The following TRAPPC3L variants were observed in gnomAD, a reference collection of about 807,000 sequenced individuals.
The protein encoded by TRAPPC3L is trafficking protein particle complex subunit 3L.
TRAPPC3L carries 23 observed loss-of-function variants against 23.7 expected under a neutral mutation model. The observed-to-expected ratio is 0.97, with a 90% CI of 0.70 to 1.37. The LOEUF (loss-of-function observed/expected upper bound fraction) is 1.37. TRAPPC3L is among the 40% of genes most tolerant of loss of function. TRAPPC3L has a pLI of 0.00. For synonymous variants in TRAPPC3L, 81 were observed against 77.9 expected (o/e 1.04, Z -0.21); for missense variants, 212 against 216.8 (o/e 0.98, Z 0.14).
At chr6:116,516,005 T>C in intron 3 of TRAPPC3L, 1 of 1,568,266 alleles carries the variant, frequency 6.4e-7, no homozygotes, top group Non-Finnish European at 8.7e-7. Flanking sequence ...CCACCATCAA[T>C]GACTCATGGT....
At chr6:116,543,710 T>A in intron 1 of TRAPPC3L, 1 of 988,966 alleles carries the variant, frequency 1.0e-6, no homozygotes, top group Non-Finnish European at 1.5e-6. Flanking sequence ...TTAAAAATAC[T>A]AATTTCTAAC....
intron 3 of TRAPPC3L, among the ~76,000 whole-genome samples, chr6:116,512,536 CCTAACA>C (rs1427768323): frequency 6.6e-6 from 1 of 152,112 alleles, no homozygotes; most frequent in African/African-American, 2.4e-5. Context: ...ATAAATAATG[CCTAACA>C]CTAAATCATA....
chr6:116,513,986 C>T (rs541649419), intron 3 of TRAPPC3L, among the ~76,000 whole-genome samples: 44 of 152,046 alleles, frequency 2.9e-4, no homozygotes, highest in Non-Finnish European at 4.3e-4. Flanking sequence ...GGAGAGTTGT[C>T]GGAAGATTTA....
intron 3 of TRAPPC3L, among the ~76,000 whole-genome samples, chr6:116,502,566 A>G (rs576855606): frequency 6.6e-6 from 1 of 152,322 alleles, no homozygotes; most frequent in East Asian, 1.9e-4. Context: ...CCCAAGACAC[A>G]TAATTGTCAG....
At position 116,545,621 on chromosome 6, in the gene TRAPPC3L, C is replaced by T. The variant is rs1013420888; in HGVS notation, c.-107G>A. ...TGTTTTGTTTTTGTAAGCTCTTCCT[C>T]GCTTTGAGACAGGAGTGCTGCTTCT... On this transcript the variant is annotated 5_prime_UTR_variant, in exon 1 of 5. Transcript: ENST00000368602. 1.4e-5 allele frequency: 14 copies of T among 989,250 alleles called. No homozygotes were observed. Among genetic ancestry groups the T allele is most frequent in the South Asian group, 6.9e-5 (4 of 57,990 alleles). The allele number at this position is 989,250 out of a possible 1,614,324, so 61.3% of individuals were successfully genotyped here.
intron 3 of TRAPPC3L, chr6:116,524,800 T>C (rs1772415385): frequency 6.6e-6 from 1 of 152,202 alleles, no homozygotes; most frequent in African/African-American, 2.4e-5. Context: ...TTATTTTCCT[T>C]TCTGTGCTAT....
At chr6:116,522,287 T>C (rs1235560543) in intron 3 of TRAPPC3L, 1 of 152,224 alleles carries the variant, frequency 6.6e-6, no homozygotes, top group Non-Finnish European at 1.5e-5. Context: ...CCTTGCCATG[T>C]CCTATCCAAC....
chr6:116,543,755 A>G lies in TRAPPC3L; in HGVS notation c.43-355T>C, dbSNP rs573709628. ...TGTTTTTCTAAAATATATGCCATCC[A>G]TGTTTTCAGTTGGAAGCAAGAATTG... On this transcript the variant is annotated intron_variant, in intron 1 of 4. Transcript: ENST00000368602. 8.0e-6 allele frequency: 11 copies of G among 1,366,772 alleles called. No individual in the cohort carries two copies. In the African/African-American group the frequency reaches 1.2e-4, roughly 14 times the overall value. 84.7% of individuals were successfully genotyped at this position (1,366,772 alleles called of 1,614,324 possible).
At chr6:116,516,099 T>C (rs906511452) in intron 3 of TRAPPC3L, 1 of 1,395,112 alleles carries the variant, frequency 7.2e-7, no homozygotes, top group African/African-American at 1.4e-5. Context: ...ATTTGGAGTA[T>C]GTTTACAAGA....
At chr6:116,541,961 C>T (rs1387270806) in intron 2 of TRAPPC3L, among the ~76,000 whole-genome samples, 1 of 152,128 alleles carries the variant, frequency 6.6e-6, no homozygotes, top group Non-Finnish European at 1.5e-5. Context: ...CTTTCTGCAG[C>T]TTCTCAAAAA....
intron 3 of TRAPPC3L, 104 bp from the exon 4 acceptor site, chr6:116,500,770 C>T: frequency 1.0e-6 from 1 of 966,656 alleles, no homozygotes; most frequent in South Asian, 1.5e-5. Context: ...AATGGTTAAG[C>T]ACATGGAGTC....
At position 116,495,833 on chromosome 6, in the gene TRAPPC3L, T is replaced by A. The variant is rs946533341; in HGVS notation, c.*1121A>T. 3.3e-5 allele frequency: 5 copies of A among 150,042 alleles called. No homozygotes were observed. Among genetic ancestry groups the A allele is most frequent in the Non-Finnish European group, 5.9e-5 (4 of 67,730 alleles). The allele number at this position is 150,042 out of a possible 1,614,324, so 9.3% of individuals were successfully genotyped here. A position where few individuals can be genotyped will look rare whatever the true frequency, so the allele number is the denominator to read the frequency against. ...TGTGTATGTCTTCTTTTGAGAAATG[T>A]CTATTCAGATCTTTTGCCCATCTTT... is the stretch of plus-strand genomic sequence containing the variant. On this transcript the variant is annotated 3_prime_UTR_variant, in exon 5 of 5. Transcript: ENST00000368602.
Position 116,516,169 on chromosome 6 carries a change from T to C in TRAPPC3L, c.241-15503A>G, listed in dbSNP as rs1772221160. On this transcript the variant is annotated intron_variant, in intron 3 of 4. Transcript: ENST00000368602. ...AGTGGAACATCAGGATGTGCTCAAA[T>C]TGATGCTGAGGGGTGACAAAGGTGC... 3 of 759,304 alleles carry C rather than the reference T, an allele frequency of 4.0e-6. No individual in the cohort carries two copies. The Admixed American group carries it at 1.1e-4, about 27-fold the overall frequency. The allele number at this position is 759,304 out of a possible 1,614,324, so 47.0% of individuals were successfully genotyped here.
intron 3 of TRAPPC3L, among the ~76,000 whole-genome samples, chr6:116,536,463 C>T (rs1196868703): frequency 1.3e-5 from 2 of 152,178 alleles, no homozygotes; most frequent in Admixed American, 1.3e-4. Context: ...TTACACAGTC[C>T]TTCTCTCGCA....
intron 3 of TRAPPC3L, chr6:116,511,702 T>A: frequency 6.2e-7 from 1 of 1,613,158 alleles, no homozygotes; most frequent in Non-Finnish European, 8.5e-7. Context: ...CCAACATGGA[T>A]GCTTTTCAGG....
chr6:116,501,471 C>G (rs1771914515), intron 3 of TRAPPC3L, among the ~76,000 whole-genome samples: 1 of 152,230 alleles, frequency 6.6e-6, no homozygotes, highest in South Asian at 2.1e-4. Context: ...AAAACTTCTG[C>G]ACACTTAAAC....
chr6:116,502,292 T>G (rs962320152), intron 3 of TRAPPC3L, among the ~76,000 whole-genome samples: 1 of 152,024 alleles, frequency 6.6e-6, no homozygotes, highest in Non-Finnish European at 1.5e-5. Flanking sequence ...AAGATCAAAT[T>G]GATGAAATAA....
At chr6:116,527,848 A>G (rs1202541800) in intron 3 of TRAPPC3L, among the ~76,000 whole-genome samples, 2 of 152,246 alleles carry the variant, frequency 1.3e-5, no homozygotes, top group Non-Finnish European at 2.9e-5. Flanking sequence ...TAATGCATGC[A>G]GGGCTTAAAA....
At chr6:116,508,035 G>C (rs1772036688) in intron 3 of TRAPPC3L, among the ~76,000 whole-genome samples, 1 of 152,092 alleles carries the variant, frequency 6.6e-6, no homozygotes, top group South Asian at 2.1e-4. Context: ...ATGAAATTTT[G>C]TCAGCTTGAT....
Sources: gnomAD v4.1 joint callset for allele counts (sites outside exome capture counted in the v4.1 genomes callset) on GRCh38, gnomAD v4.1.1 for gene constraint, MANE v1.5 for transcripts, NCBI Gene and HGNC (gene_info 2026-07-23, HGNC 2026-07-21) for gene names.